Variants in PTH2R observed in about 807,000 individuals in gnomAD.
The protein encoded by PTH2R is parathyroid hormone 2 receptor, also known as PTH2 receptor.
Under a neutral mutation model 60.3 loss-of-function variants are expected in PTH2R, and 59 were observed. The observed-to-expected ratio is 0.98, with a 90% CI of 0.79 to 1.22. The LOEUF (loss-of-function observed/expected upper bound fraction) is 1.22, where lower values mean the gene tolerates loss of function less well. PTH2R is among the 50% of genes most tolerant of loss of function. The pLI, the probability that PTH2R is intolerant of heterozygous loss-of-function variation, is 0.00. For synonymous variants in PTH2R, 256 were observed against 243.8 expected (o/e 1.05, Z -0.47); for missense variants, 749 against 682.6 (o/e 1.10, Z -1.08).
intron 4 of PTH2R, among the ~76,000 whole-genome samples, chr2:208,441,084 C>G (rs1278992107): frequency 6.6e-6 from 1 of 152,246 alleles, no homozygotes; most frequent in East Asian, 1.9e-4. Flanking sequence ...AAGGCAGCAG[C>G]CAATTGCAAG....
At chr2:208,440,352 T>C (rs1030757948) in intron 4 of PTH2R, among the ~76,000 whole-genome samples, 1 of 152,210 alleles carries the variant, frequency 6.6e-6, no homozygotes, top group African/African-American at 2.4e-5. Context: ...AGATTTTTTT[T>C]CTCCTCTCTT....
intron 9 of PTH2R, among the ~76,000 whole-genome samples, chr2:208,460,839 A>G (rs114627414): frequency 2.4e-4 from 36 of 152,280 alleles, no homozygotes; most frequent in Admixed American, 7.8e-4. Context: ...TTAGAAAACA[A>G]TGTAGCAACT....
chr2:208,460,514 A>G (rs1026176564), intron 9 of PTH2R, among the ~76,000 whole-genome samples: 6 of 152,212 alleles, frequency 3.9e-5, no homozygotes, highest in African/African-American at 1.4e-4. Context: ...GGCAAAAAAC[A>G]CAATTACTTT....
At chr2:208,473,012 T>G (rs181468167) in intron 9 of PTH2R, among the ~76,000 whole-genome samples, 348 of 152,340 alleles carry the variant, frequency 2.3e-3, no homozygotes, top group African/African-American at 7.6e-3. Context: ...GCTAGAGCAG[T>G]GTTTCCTTAT....
At chr2:208,405,723 A>C (rs1288093535), upstream of PTH2R, among the ~76,000 whole-genome samples, 1 of 152,222 alleles carries the variant, frequency 6.6e-6, no homozygotes, top group Non-Finnish European at 1.5e-5. Context: ...CCCAAAATAC[A>C]TATGTTGAAG....
chr2:208,486,613 A>G (rs1252303160), intron 10 of PTH2R, among the ~76,000 whole-genome samples: 2 of 151,942 alleles, frequency 1.3e-5, no homozygotes, highest in African/African-American at 2.4e-5. Flanking sequence ...GATGTTAGAC[A>G]AGACTTTCAA....
At chr2:208,479,860 AT>A (rs1703105464) in intron 9 of PTH2R, among the ~76,000 whole-genome samples, 1 of 152,376 alleles carries the variant, frequency 6.6e-6, no homozygotes, top group South Asian at 2.1e-4. Context: ...ATGTAAAAAA[AT>A]AAAAGTGTCT....
At chr2:208,390,859 G>C (rs905267074) in intron 1 of PTH2R, among the ~76,000 whole-genome samples, 3 of 152,190 alleles carry the variant, frequency 2.0e-5, no homozygotes, top group Admixed American at 2.0e-4. Flanking sequence ...GTAGGGGTGA[G>C]ACTGAGTACG....
intron 1 of PTH2R, among the ~76,000 whole-genome samples, chr2:208,389,227 T>TACAC (rs71041306): frequency 0.051 from 7,256 of 142,586 alleles, 208 homozygotes; most frequent in African/African-American, 0.086. Context: ...AGGAAATGCA[T>TACAC]ACACACACAC....
At position 208,406,837 on chromosome 2, in the gene PTH2R, G is replaced by A; in HGVS notation, c.-207G>A. The A allele has an allele frequency of 2.5e-6, 1 of 395,922 alleles. No homozygotes were observed. The highest frequency in any genetic ancestry group is 4.5e-6 in the Non-Finnish European group (1 of 224,426). 24.5% of individuals were successfully genotyped at this position (395,922 alleles called of 1,614,324 possible). On this transcript the variant is annotated 5_prime_UTR_variant, in exon 1 of 13. Coordinates refer to ENST00000272847, the MANE Select transcript of PTH2R (RefSeq NM_005048.4). ...CGGAAGACAAGACCAACCTCGCGCC[G>A]CGGCGCAGCAGCACGCGGGTTCTGA...
chr2:208,397,364 C>G (rs1393509761), intron 1 of PTH2R, among the ~76,000 whole-genome samples: 1 of 152,048 alleles, frequency 6.6e-6, no homozygotes, highest in East Asian at 1.9e-4. Context: ...AAGCTTACTC[C>G]CATACTTACC....
At chr2:208,470,801 G>T (rs1200075453) in intron 9 of PTH2R, among the ~76,000 whole-genome samples, 1 of 152,212 alleles carries the variant, frequency 6.6e-6, no homozygotes, top group African/African-American at 2.4e-5. Flanking sequence ...GGTTGGAACA[G>T]TTCAAAGGGT....
intron 2 of PTH2R, among the ~76,000 whole-genome samples, chr2:208,434,702 A>T (rs1426778239): frequency 6.6e-6 from 1 of 152,202 alleles, no homozygotes; most frequent in Non-Finnish European, 1.5e-5. Flanking sequence ...TACTGGGCAC[A>T]TATCGACTGG....
Position 208,459,880 on chromosome 2 carries a change from T to C in PTH2R, c.915-15T>C. On this transcript the variant is annotated splice_polypyrimidine_tract_variant and intron_variant, in intron 8 of 12. Transcript: ENST00000272847. Reference sequence around the variant, plus strand: ...TTGCCAATTTATTCATGACAGCTTTTTTTCAATGTCTCAGGTGCTGGGAAC... The same window carrying C: ...TTGCCAATTTATTCATGACAGCTTTCTTTCAATGTCTCAGGTGCTGGGAAC... 1 of 1,611,526 alleles carries C rather than the reference T, an allele frequency of 6.2e-7. No homozygotes were observed. Among genetic ancestry groups the C allele is most frequent in the East Asian group, 2.2e-5 (1 of 44,822 alleles).
chr2:208,476,353 G>T (rs1374497038), intron 9 of PTH2R, among the ~76,000 whole-genome samples: 1 of 152,040 alleles, frequency 6.6e-6, no homozygotes, highest in African/African-American at 2.4e-5. Context: ...TTCCCCCAGA[G>T]AAAAATCTCC....
At chr2:208,387,726 C>A (rs1380423209) in intron 1 of PTH2R, among the ~76,000 whole-genome samples, 1 of 152,186 alleles carries the variant, frequency 6.6e-6, no homozygotes, top group African/African-American at 2.4e-5. Context: ...TAGAGGATGT[C>A]ACAATGTTGT....
At chr2:208,425,092 A>G (rs967026958) in intron 1 of PTH2R, among the ~76,000 whole-genome samples, 2 of 152,196 alleles carry the variant, frequency 1.3e-5, no homozygotes, top group African/African-American at 4.8e-5. Flanking sequence ...TAATGGGTTC[A>G]TGAAGCTGCA....
chr2:208,401,532 C>T (rs1442236691), intron 1 of PTH2R, among the ~76,000 whole-genome samples: 1 of 151,770 alleles, frequency 6.6e-6, no homozygotes, highest in Non-Finnish European at 1.5e-5. Flanking sequence ...GGTATCTCTC[C>T]TTCTTATTCC....
intron 1 of PTH2R, among the ~76,000 whole-genome samples, chr2:208,394,476 C>T (rs528305979): frequency 6.6e-6 from 1 of 152,312 alleles, no homozygotes; most frequent in East Asian, 1.9e-4. Context: ...GTTCCTGGAT[C>T]CTGGCACCCA....
Sources: gnomAD v4.1 joint callset for allele counts (sites outside exome capture counted in the v4.1 genomes callset) on GRCh38, gnomAD v4.1.1 for gene constraint, MANE v1.5 for transcripts, NCBI Gene and HGNC (gene_info 2026-07-23, HGNC 2026-07-21) for gene names.